FAM193A: variants seen among roughly 807,000 people sequenced by gnomAD.
FAM193A encodes protein FAM193A.
A neutral mutation model predicts 126.5 loss-of-function variants in FAM193A; 22 were observed. The ratio of observed to expected loss-of-function variants is 0.17; its 90% CI spans 0.12 to 0.25. The LOEUF is 0.25. Among genes scored for constraint, FAM193A ranks in the 10% least tolerant of loss-of-function variants. The pLI is 1.00. For missense variants in FAM193A, 1,675 were observed against 1,672.8 expected (o/e 1.00, Z -0.02); for synonymous variants, 761 against 646.8 (o/e 1.18, Z -2.68).
At chr4:2,604,365 T>C (rs1240545827) in intron 2 of FAM193A, among the ~76,000 whole-genome samples, 1 of 152,182 alleles carries the variant, frequency 6.6e-6, no homozygotes, top group African/African-American at 2.4e-5. Flanking sequence ...TCTTAAATCC[T>C]TCTGTGTTTC....
At chr4:2,565,739 A>T (rs75441794) in intron 1 of FAM193A, among the ~76,000 whole-genome samples, 2,561 of 152,322 alleles carry the variant, frequency 0.017, 59 homozygotes, top group African/African-American at 0.051. Context: ...CTAATGGGTC[A>T]GCCTGAGACC....
intron 19 of FAM193A, among the ~76,000 whole-genome samples, chr4:2,710,851 C>CTTTTTTTT (rs35045989): frequency 8.6e-6 from 1 of 116,298 alleles, no homozygotes; most frequent in African/African-American, 3.2e-5. Context: ...TCTGTGCTTT[C>CTTTTTTTT]TTTTTTTTTT....
At chr4:2,585,524 T>C (rs1363076022) in intron 1 of FAM193A, among the ~76,000 whole-genome samples, 1 of 152,258 alleles carries the variant, frequency 6.6e-6, no homozygotes, top group Non-Finnish European at 1.5e-5. Flanking sequence ...CCCGTTCAAG[T>C]CTTTTGCCCA....
chr4:2,708,724 A>G (rs1252936906), intron 19 of FAM193A, among the ~76,000 whole-genome samples: 1 of 152,158 alleles, frequency 6.6e-6, no homozygotes, highest in African/African-American at 2.4e-5. Context: ...TGGCCTCCCA[A>G]AGTGCTGGAA....
Position 2,604,434 on chromosome 4 carries a change from G to A in FAM193A, c.501+8105G>A, listed in dbSNP as rs142270597. Among the ~76,000 whole-genome samples, 658 of 152,218 alleles carry A rather than the reference G, an allele frequency of 4.3e-3. 1 individual carries two copies. Among genetic ancestry groups the A allele is most frequent in the African/African-American group, 0.015 (632 of 41,536 alleles). On this transcript the variant is annotated intron_variant, in intron 2 of 20. Coordinates refer to ENST00000637812, the MANE Select transcript of FAM193A (RefSeq NM_001366318.2). ...TCAATTTCTGAGTGTTATTTAAAATGTCCTACTATGAATGTGTCTTTTTCC... is the reference window on the plus strand; with the variant it reads ...TCAATTTCTGAGTGTTATTTAAAATATCCTACTATGAATGTGTCTTTTTCC...
intron 6 of FAM193A, among the ~76,000 whole-genome samples, chr4:2,642,638 A>G (rs951283365): frequency 9.9e-5 from 15 of 152,102 alleles, no homozygotes; most frequent in African/African-American, 3.4e-4. Flanking sequence ...TCTACCTTAA[A>G]AAAAAATATT....
In FAM193A at chr4:2,542,489, G is replaced by A; in HGVS notation, c.255+5319G>A. ...CTGTCTTTAGTTTTTAAGTTTCTTT[G>A]TAAGTATTTTAATAATTGTTCATTA... On this transcript the variant is annotated intron_variant, in intron 1 of 20. Coordinates refer to ENST00000637812, the MANE Select transcript of FAM193A (RefSeq NM_001366318.2). Among the ~76,000 whole-genome samples the A allele has an allele frequency of 2.0e-5, 3 of 152,308 alleles. No homozygotes were observed. In the South Asian group the frequency reaches 6.2e-4, roughly 32 times the overall value.
At chr4:2,537,348 G>GC (rs1051840275) in intron 1 of FAM193A, among the ~76,000 whole-genome samples, 178 bp downstream of exon 1, 31 of 152,292 alleles carry the variant, frequency 2.0e-4, no homozygotes, top group Non-Finnish European at 3.8e-4. Context: ...GGCGGCAGGT[G>GC]GGCCGTGCTC....
At chr4:2,589,264 A>G (rs914736508) in intron 1 of FAM193A, among the ~76,000 whole-genome samples, 1 of 152,260 alleles carries the variant, frequency 6.6e-6, no homozygotes, top group African/African-American at 2.4e-5. Flanking sequence ...GCCTTCATTA[A>G]TGCCTTAAAA....
intron 1 of FAM193A, among the ~76,000 whole-genome samples, chr4:2,540,196 G>A (rs923669013): frequency 1.3e-5 from 2 of 151,800 alleles, no homozygotes; most frequent in African/African-American, 2.4e-5. Context: ...ATGGCCGGGC[G>A]CAGTGGCTCA....
chr4:2,563,535 CA>C lies in FAM193A; in HGVS notation c.255+26376del, dbSNP rs1218863018. On this transcript the variant is annotated intron_variant, in intron 1 of 20. Transcript: ENST00000637812. ...ATCTGGTCATCTCTACAAAAAAAAA[CA>C]AAAAAAAAAACCTCCCAAAACCAAA... is the stretch of plus-strand genomic sequence containing the variant. Among the ~76,000 whole-genome samples, 437 of 123,862 alleles carry C rather than the reference CA, an allele frequency of 3.5e-3. 2 individuals are homozygous for C. Among genetic ancestry groups the C allele is most frequent in the African/African-American group, 9.1e-3 (323 of 35,650 alleles). The allele number at this position is 123,862 out of a possible 152,430, so 81.3% of individuals were successfully genotyped here.
intron 5 of FAM193A, among the ~76,000 whole-genome samples, chr4:2,633,226 C>T (rs891406980): frequency 6.6e-5 from 10 of 151,798 alleles, no homozygotes; most frequent in African/African-American, 2.4e-4. Context: ...GATGAAACCC[C>T]GTCTCTACTA....
intron 18 of FAM193A, among the ~76,000 whole-genome samples, chr4:2,699,443 C>G (rs567903445): frequency 0.015 from 1,298 of 86,190 alleles, 94 homozygotes; most frequent in African/African-American, 0.05. Flanking sequence ...ACCACCCCCC[C>G]CCCCACACAC....
At chr4:2,661,253 A>G (rs151213941) in intron 10 of FAM193A, among the ~76,000 whole-genome samples, 97 of 152,286 alleles carry the variant, frequency 6.4e-4, no homozygotes, top group African/African-American at 2.2e-3. Context: ...AATGTAAACT[A>G]TGATTTGAAA....
rs200558397 is a variant in FAM193A at position 2,640,727 on chromosome 4, G to A, written c.1163+868G>A. On this transcript the variant is annotated intron_variant, in intron 6 of 20. Coordinates refer to ENST00000637812, the MANE Select transcript of FAM193A (RefSeq NM_001366318.2). ...GCCTGTAATTCCAACACTTTGGGAG[G>A]CCTTAAGCAGGCGGATCACCTGAGG... 4.6e-5 allele frequency among the ~76,000 whole-genome samples: 7 copies of A among 152,220 alleles called. No homozygotes were observed. In the East Asian group the frequency reaches 5.8e-4, roughly 13 times the overall value.
intron 1 of FAM193A, among the ~76,000 whole-genome samples, chr4:2,541,728 C>T (rs1737244900): frequency 6.6e-6 from 1 of 151,518 alleles, no homozygotes; most frequent in South Asian, 2.1e-4. Flanking sequence ...ACGGGTGTGA[C>T]CCACTGCAGC....
At chr4:2,679,436 G>A (rs1250938810) in intron 13 of FAM193A, among the ~76,000 whole-genome samples, 1 of 141,158 alleles carries the variant, frequency 7.1e-6, no homozygotes, top group African/African-American at 2.6e-5. Flanking sequence ...GCTGAGTGCA[G>A]TGGTGTGATC....
chr4:2,589,879 G>A (rs1175288458), intron 1 of FAM193A, among the ~76,000 whole-genome samples: 1 of 152,160 alleles, frequency 6.6e-6, no homozygotes, highest in Admixed American at 6.5e-5. Context: ...GCTTATACCT[G>A]TAATCCCAGC....
chr4:2,607,057 C>G (rs1741589556), intron 2 of FAM193A, among the ~76,000 whole-genome samples: 1 of 152,164 alleles, frequency 6.6e-6, no homozygotes, highest in South Asian at 2.1e-4. Flanking sequence ...AGGTGAAGGG[C>G]CATTCATCTC....
Sources: allele counts gnomAD v4.1 joint callset (sites outside exome capture counted in the v4.1 genomes callset), GRCh38; gene constraint gnomAD v4.1.1; transcripts MANE v1.5; gene names NCBI Gene and HGNC (gene_info 2026-07-23, HGNC 2026-07-21).